Variants in CELSR1 observed in about 807,000 individuals in gnomAD.
CELSR1 encodes the protein cadherin EGF LAG seven-pass G-type receptor 1, also known as adhesion G protein-coupled receptor C1.
CELSR1 carries 110 observed loss-of-function variants against 249.1 expected under a neutral mutation model. That is an observed-to-expected ratio of 0.44 (90% confidence interval 0.38 to 0.52). CELSR1 has a LOEUF of 0.52. Ranked by LOEUF, CELSR1 falls within the 20% of genes least tolerant of loss-of-function variation. The probability of loss-of-function intolerance (pLI) is 0.00; values close to 1 mark genes in which losing one functional copy is unlikely to be tolerated. For synonymous variants in CELSR1, 2,113 were observed against 1,900.0 expected, an observed-to-expected ratio of 1.11 and a Z score of -2.92; for missense variants, 4,109 against 4,296.4, an observed-to-expected ratio of 0.96 and a Z score of 1.22.
chr22:46,425,796 A>C (rs1285311139), intron 5 of CELSR1, among the ~76,000 whole-genome samples: 3 of 150,698 alleles, frequency 2.0e-5, no homozygotes, highest in Non-Finnish European at 4.4e-5. Context: ...TATCTTTATT[A>C]TTTCCTTCTT....
intron 32 of CELSR1, 142 bp downstream of exon 32, chr22:46,365,089 T>TC (rs889648314): frequency 6.8e-5 from 82 of 1,200,842 alleles, no homozygotes; most frequent in Non-Finnish European, 9.0e-5. Context: ...CCAACCAGAG[T>TC]CCCCCCACCC....
At position 46,436,432 on chromosome 22, in the gene CELSR1, A is replaced by T; in HGVS notation, c.4407-143T>A. 2 of 613,912 alleles carry T rather than the reference A, an allele frequency of 3.3e-6. No homozygotes were observed. Among genetic ancestry groups the T allele is most frequent in the Non-Finnish European group, 5.8e-6 (2 of 342,560 alleles). 38.0% of individuals were successfully genotyped at this position (613,912 alleles called of 1,614,324 possible). A position where few individuals can be genotyped will look rare whatever the true frequency, so the allele number is the denominator to read the frequency against. ...ATGGTGTCAGGCATGCGTCCTTCTC[A>T]TAGGAGCAGACAGCCCATCAAGCTT... On this transcript the variant is annotated intron_variant, in intron 3 of 34. Transcript: ENST00000674500. The surrounding 1 kb of genome is among the most constrained non-coding windows in gnomAD (Gnocchi z 5.9).
chr22:46,372,273 CTCAA>C (rs1228350959), intron 25 of CELSR1, among the ~76,000 whole-genome samples: 1 of 139,678 alleles, frequency 7.2e-6, no homozygotes, highest in African/African-American at 3.1e-5. Flanking sequence ...TCCATCCTCA[CTCAA>C]CCCCCATCCA....
chr22:46,512,812 G>A lies in CELSR1; in HGVS notation c.3544+20815C>T, dbSNP rs1346696428. ...TCAGACAAGCTACCCATGTGCCCCT[G>A]CAAGAACCAGGGGCCCCCCACCCTC... On this transcript the variant is annotated intron_variant, in intron 1 of 34. Coordinates refer to ENST00000674500, the MANE Select transcript of CELSR1 (RefSeq NM_001378328.1). This position sits in a 1 kb window ranked among gnomAD's most constrained non-coding sequence, Gnocchi z 5.2. Among the ~76,000 whole-genome samples the A allele has an allele frequency of 6.6e-6, 1 of 152,176 alleles. No homozygotes were observed. Among genetic ancestry groups the A allele is most frequent in the Non-Finnish European group, 1.5e-5 (1 of 68,024 alleles).
intron 5 of CELSR1, among the ~76,000 whole-genome samples, chr22:46,424,178 C>T (rs2079511946): frequency 6.6e-6 from 1 of 152,028 alleles, no homozygotes; most frequent in African/African-American, 2.4e-5. Flanking sequence ...GTAATCCTCC[C>T]ACCTCAGCCT....
Position 46,408,877 on chromosome 22 carries a change from G to T in CELSR1, c.5226+119C>A. ...CCCCTCTTCGGAGAACCCCAGGGGC[G>T]GGCGCCGGAGGAAGGGCGAGTAGCA... On this transcript the variant is annotated intron_variant, in intron 9 of 34. Transcript: ENST00000674500. The surrounding 1 kb of genome is among the most constrained non-coding windows in gnomAD (Gnocchi z 4.6). 4 of 759,418 alleles carry T rather than the reference G, an allele frequency of 5.3e-6. No individual in the cohort carries two copies. The highest frequency in any genetic ancestry group is 8.2e-6 in the Non-Finnish European group (4 of 487,422). The allele number at this position is 759,418 out of a possible 1,614,324, so 47.0% of individuals were successfully genotyped here. A position where few individuals can be genotyped will look rare whatever the true frequency, so the allele number is the denominator to read the frequency against.
chr22:46,436,218 G>A lies in CELSR1; in HGVS notation c.4478C>T (p.Ala1493Val), dbSNP rs1237397685. The change falls in exon 4 of 35, where the codon GCC becomes GTC. Residue 1493 changes from alanine to valine, a missense_variant. Coordinates refer to ENST00000674500, the MANE Select transcript of CELSR1 (RefSeq NM_001378328.1). The surrounding 1 kb of genome is among the most constrained non-coding windows in gnomAD (Gnocchi z 5.9). ...GRFNEKHDFI[A>V]LEIVDEQVQL... ...CACCTGCTCGTCCACGATCTCCAGG[G>A]CGATGAAGTCGTGCTTCTCATTGAA... 1 of 1,614,032 alleles carries A rather than the reference G, an allele frequency of 6.2e-7. No homozygotes were observed. Among genetic ancestry groups the A allele is most frequent in the East Asian group, 2.2e-5 (1 of 44,882 alleles).
rs751203370 is a variant in CELSR1, at chr22:46,534,333, C to T, written c.2838G>A (p.Thr946=). Residue 946 remains threonine, a synonymous_variant, in exon 1 of 35, where the codon ACG becomes ACA. Coordinates refer to ENST00000674500, the MANE Select transcript of CELSR1 (RefSeq NM_001378328.1). This position sits in a 1 kb window ranked among gnomAD's most constrained non-coding sequence, Gnocchi z 9.7. ...GGCGCTGGGTGCGAATCACACCGGACGTGGGCTCGATGTAGAAGTCCCCAT... is the reference window on the plus strand; with the variant it reads ...GGCGCTGGGTGCGAATCACACCGGATGTGGGCTCGATGTAGAAGTCCCCAT... ...DGDGDFYIEP[T]SGVIRTQRRL... 2.0e-5 allele frequency: 32 copies of T among 1,613,062 alleles called. No individual in the cohort carries two copies. Among genetic ancestry groups the T allele is most frequent in the Non-Finnish European group, 2.2e-5 (26 of 1,180,038 alleles).
rs939488592 is a variant in CELSR1 at position 46,454,759 on chromosome 22, C to T, written c.4183+8948G>A. Reference sequence around the variant, plus strand: ...ACCTGCCTCCCACCCTGGAGTGGCCCGTGGTCCTCGCAGACACGCGACAGG... The same window carrying T: ...ACCTGCCTCCCACCCTGGAGTGGCCTGTGGTCCTCGCAGACACGCGACAGG... On this transcript the variant is annotated intron_variant, in intron 2 of 34. Transcript: ENST00000674500. The surrounding 1 kb of genome is among the most constrained non-coding windows in gnomAD (Gnocchi z 5.1). Among the ~76,000 whole-genome samples the T allele has an allele frequency of 3.3e-5, 5 of 152,232 alleles. No individual in the cohort carries two copies. Among genetic ancestry groups the T allele is most frequent in the African/African-American group, 7.2e-5 (3 of 41,468 alleles).
intron 1 of CELSR1, among the ~76,000 whole-genome samples, chr22:46,474,208 G>T (rs2080184030): frequency 6.6e-6 from 1 of 152,180 alleles, no homozygotes; most frequent in Admixed American, 6.5e-5. Flanking sequence ...GGAGAGCAGA[G>T]CCAGCCTCCT....
At position 46,396,300 on chromosome 22, in the gene CELSR1, C is replaced by T. The variant is rs779221948; in HGVS notation, c.5843+305G>A. ...GCGGGCACCTGTAGGACCAGCTACT[C>T]GGGAGGCCGAGGCAGGAGAATCACT... On this transcript the variant is annotated intron_variant, in intron 13 of 34. Transcript: ENST00000674500. The surrounding 1 kb of genome is among the most constrained non-coding windows in gnomAD (Gnocchi z 6.4). Among the ~76,000 whole-genome samples the T allele has an allele frequency of 2.7e-4, 41 of 151,872 alleles. No individual in the cohort carries two copies. The highest frequency in any genetic ancestry group is 4.7e-4 in the Non-Finnish European group (32 of 67,962).
intron 29 of CELSR1, among the ~76,000 whole-genome samples, 166 bp from the exon 30 acceptor site, chr22:46,366,646 C>T (rs1602023032): frequency 6.6e-6 from 1 of 152,140 alleles, no homozygotes; most frequent in Admixed American, 6.5e-5. Context: ...TCACTGCAAA[C>T]GAGAGCCTCC....
chr22:46,431,197 G>A (rs995592420), intron 5 of CELSR1, among the ~76,000 whole-genome samples: 26 of 152,196 alleles, frequency 1.7e-4, no homozygotes, highest in African/African-American at 3.1e-4. Flanking sequence ...CGTCCTGCAC[G>A]GGGACTTTGC....
At position 46,512,141 on chromosome 22, in the gene CELSR1, G is replaced by A. The variant is rs912977566; in HGVS notation, c.3544+21486C>T. Among the ~76,000 whole-genome samples the A allele has an allele frequency of 2.0e-5, 3 of 152,224 alleles. No homozygotes were observed. Among genetic ancestry groups the A allele is most frequent in the Non-Finnish European group, 2.9e-5 (2 of 68,040 alleles). On this transcript the variant is annotated intron_variant, in intron 1 of 34. Coordinates refer to ENST00000674500, the MANE Select transcript of CELSR1 (RefSeq NM_001378328.1). The surrounding 1 kb of genome is among the most constrained non-coding windows in gnomAD (Gnocchi z 5.2). ...TCTCAGTGTGGCAAACACAGCAGCA[G>A]CAAGAGTGACGGCGGCGCTCATAAG...
At position 46,402,219 on chromosome 22, in the gene CELSR1, CTTTTTTTTT is replaced by C. The variant is rs547364572; in HGVS notation, c.5227-2326_5227-2318del. 7.0e-6 allele frequency among the ~76,000 whole-genome samples: 1 copy of C among 143,320 alleles called. No individual in the cohort carries two copies. Among genetic ancestry groups the C allele is most frequent in the Non-Finnish European group, 1.5e-5 (1 of 65,064 alleles). 94.0% of individuals were successfully genotyped at this position (143,320 alleles called of 152,430 possible). ...CATCCCCATTCTAGTTTCTCTTTTTCTTTTTTTTTTTTTTGAGACAGAGTTTCACTCTTG... is the reference window on the plus strand; with the variant it reads ...CATCCCCATTCTAGTTTCTCTTTTTCTTTTTGAGACAGAGTTTCACTCTTG... On this transcript the variant is annotated intron_variant, in intron 9 of 34. Transcript: ENST00000674500. The surrounding 1 kb of genome is among the most constrained non-coding windows in gnomAD (Gnocchi z 5.0).
In CELSR1 at chr22:46,406,582, G is replaced by A. The variant is rs1569140100; in HGVS notation, c.5226+2414C>T. Among the ~76,000 whole-genome samples, 1 of 152,214 alleles carries A rather than the reference G, an allele frequency of 6.6e-6. No homozygotes were observed. Among genetic ancestry groups the A allele is most frequent in the Non-Finnish European group, 1.5e-5 (1 of 68,024 alleles). ...CAACCAGGCACTCATGATGGGGAGG[G>A]CATGTGCTGGGCAGTCCCTCTGTCC... On this transcript the variant is annotated intron_variant, in intron 9 of 34. Transcript: ENST00000674500. This position sits in a 1 kb window ranked among gnomAD's most constrained non-coding sequence, Gnocchi z 5.4.
chr22:46,404,201 C>T (rs376016916), intron 9 of CELSR1, among the ~76,000 whole-genome samples: 13 of 151,732 alleles, frequency 8.6e-5, no homozygotes, highest in African/African-American at 3.1e-4. Context: ...CACCTGAGGT[C>T]AGGAGTTGGA....
chr22:46,406,075 G>C lies in CELSR1; in HGVS notation c.5226+2921C>G, dbSNP rs1348482161. ...TGATGTAATTACACAAACAGCACCG[G>C]AGTCTGTGGCTTCCAGCACCATTCC... On this transcript the variant is annotated intron_variant, in intron 9 of 34. Coordinates refer to ENST00000674500, the MANE Select transcript of CELSR1 (RefSeq NM_001378328.1). This position sits in a 1 kb window ranked among gnomAD's most constrained non-coding sequence, Gnocchi z 5.4. 6.6e-6 allele frequency among the ~76,000 whole-genome samples: 1 copy of C among 152,172 alleles called. No individual in the cohort carries two copies. Among genetic ancestry groups the C allele is most frequent in the Non-Finnish European group, 1.5e-5 (1 of 68,044 alleles).
At position 46,500,840 on chromosome 22, in the gene CELSR1, AT is replaced by A. The variant is rs1196030535; in HGVS notation, c.3544+32786del. ...ACATTGCGTCTCTCAGGCTCAGAACATCCCCCATCTGCGGGCAGAGCTGTCC... is the reference window on the plus strand; with the variant it reads ...ACATTGCGTCTCTCAGGCTCAGAACACCCCCATCTGCGGGCAGAGCTGTCC... On this transcript the variant is annotated intron_variant, in intron 1 of 34. Transcript: ENST00000674500. The surrounding 1 kb of genome is among the most constrained non-coding windows in gnomAD (Gnocchi z 4.9). Among the ~76,000 whole-genome samples the A allele has an allele frequency of 6.6e-6, 1 of 152,072 alleles. No homozygotes were observed. The highest frequency in any genetic ancestry group is 1.5e-5 in the Non-Finnish European group (1 of 68,006).
Sources: allele counts gnomAD v4.1 joint callset (sites outside exome capture counted in the v4.1 genomes callset), GRCh38; gene constraint gnomAD v4.1.1; non-coding constraint Gnocchi (gnomAD v3.1); transcripts MANE v1.5; gene names NCBI Gene and HGNC (gene_info 2026-07-23, HGNC 2026-07-21).